BCAT1: variants seen among roughly 807,000 people sequenced by gnomAD.
BCAT1 encodes branched chain amino acid transaminase 1, also known as branched-chain-amino-acid aminotransferase, cytosolic.
BCAT1 carries 48 observed loss-of-function variants against 52.4 expected under a neutral mutation model. The observed-to-expected ratio is 0.92, with a 90% confidence interval of 0.73 to 1.16. The LOEUF (loss-of-function observed/expected upper bound fraction) is 1.16, where lower values mean the gene tolerates loss of function less well. Among genes scored for constraint, BCAT1 ranks in the 50% most tolerant of loss-of-function variants. The pLI, the probability that BCAT1 is intolerant of heterozygous loss-of-function variation, is 0.00. For missense variants in BCAT1, 451 were observed against 457.1 expected (o/e 0.99, Z 0.12); for synonymous variants, 167 against 161.3 (o/e 1.04, Z -0.27).
chr12:24,919,344 A>G (rs1943468330), intron 1 of BCAT1, among the ~76,000 whole-genome samples: 1 of 152,240 alleles, frequency 6.6e-6, no homozygotes, highest in Non-Finnish European at 1.5e-5. Context: ...TTATTAAGCC[A>G]TGAGTTCTGA....
At chr12:24,834,880 T>C (rs1237569815) in intron 8 of BCAT1, 18 of 811,986 alleles carry the variant, frequency 2.2e-5, no homozygotes, top group Non-Finnish European at 2.7e-5. Context: ...CCCTTACTTA[T>C]CTTTGGACAA....
intron 1 of BCAT1, among the ~76,000 whole-genome samples, chr12:24,937,829 G>A (rs898941841): frequency 1.3e-5 from 2 of 152,204 alleles, no homozygotes; most frequent in African/African-American, 4.8e-5. Context: ...CTGGGCACAT[G>A]GTTGTTAAAA....
intron 5 of BCAT1, among the ~76,000 whole-genome samples, chr12:24,869,558 G>T (rs560772985): frequency 1.3e-5 from 2 of 152,178 alleles, no homozygotes; most frequent in South Asian, 4.1e-4. Flanking sequence ...TACAACAGCA[G>T]TATCTACTAA....
chr12:24,841,668 C>T (rs1941177208), intron 7 of BCAT1, among the ~76,000 whole-genome samples: 1 of 152,088 alleles, frequency 6.6e-6, no homozygotes, highest in Admixed American at 6.6e-5. Context: ...TTTGGGAGGC[C>T]AAGGCCGGTG....
At chr12:24,932,552 G>A (rs1192140121) in intron 1 of BCAT1, among the ~76,000 whole-genome samples, 2 of 152,188 alleles carry the variant, frequency 1.3e-5, no homozygotes, top group Non-Finnish European at 2.9e-5. Context: ...ACTATATGAG[G>A]ATAAATTGTA....
intron 10 of BCAT1, among the ~76,000 whole-genome samples, chr12:24,819,440 T>G (rs986965249): frequency 2.6e-5 from 4 of 152,190 alleles, no homozygotes; most frequent in African/African-American, 9.6e-5. Flanking sequence ...GGATTTTACT[T>G]CTTTACTTCA....
In BCAT1 at chr12:24,813,313, G is replaced by A. The variant is rs989994662; in HGVS notation, c.*4695C>T. 6 of 151,970 alleles carry A rather than the reference G, an allele frequency of 3.9e-5. No homozygotes were observed. Among genetic ancestry groups the A allele is most frequent in the Non-Finnish European group, 8.8e-5 (6 of 67,878 alleles). 9.4% of individuals were successfully genotyped at this position (151,970 alleles called of 1,614,324 possible). On this transcript the variant is annotated 3_prime_UTR_variant, in exon 11 of 11. Transcript: ENST00000261192. ...ATCTTTAAAAGGGGTTTGTGGTAAT[G>A]ATAAAAAATTTATCTCTTTCCACAC... is the stretch of plus-strand genomic sequence containing the variant.
chr12:24,833,965 T>C, intron 8 of BCAT1: 1 of 176,326 alleles, frequency 5.7e-6, no homozygotes, highest in Non-Finnish European at 1.1e-5. Flanking sequence ...GGACTACAGG[T>C]GTATGCTGCC....
At chr12:24,933,806 G>T (rs550995080) in intron 1 of BCAT1, among the ~76,000 whole-genome samples, 3 of 152,036 alleles carry the variant, frequency 2.0e-5, no homozygotes, top group African/African-American at 7.2e-5. Flanking sequence ...AGGAAACACC[G>T]GCGGGTGGCG....
intron 5 of BCAT1, among the ~76,000 whole-genome samples, chr12:24,874,631 T>A (rs1215459350): frequency 6.6e-6 from 1 of 152,242 alleles, no homozygotes; most frequent in Non-Finnish European, 1.5e-5. Flanking sequence ...GGCAGACATA[T>A]ATTTCATTCC....
chr12:24,940,649 T>C (rs1444781001), intron 1 of BCAT1, among the ~76,000 whole-genome samples: 1 of 152,208 alleles, frequency 6.6e-6, no homozygotes, highest in Non-Finnish European at 1.5e-5. Flanking sequence ...TGGAAAACTA[T>C]CAGCAGAGCC....
chr12:24,831,295 T>C (rs763220792), intron 9 of BCAT1, among the ~76,000 whole-genome samples: 4 of 152,222 alleles, frequency 2.6e-5, no homozygotes, highest in Non-Finnish European at 5.9e-5. Context: ...ACTGTTTTTG[T>C]TGTTGATAAG....
In BCAT1 at chr12:24,812,368, C is replaced by CTCTCT. The variant is rs1939716542; in HGVS notation, c.*5639_*5640insAGAGA. ...GTCTAAACTTATTATTTTATTTGGC[C>CTCTCT]TCAAGAAGCTTCATGGATCTTAGAA... On this transcript the variant is annotated 3_prime_UTR_variant, in exon 11 of 11. Transcript: ENST00000261192. 6.6e-6 allele frequency: 1 copy of CTCTCT among 151,900 alleles called. No homozygotes were observed. Among genetic ancestry groups the CTCTCT allele is most frequent in the Non-Finnish European group, 1.5e-5 (1 of 67,880 alleles). The allele number at this position is 151,900 out of a possible 1,614,324, so 9.4% of individuals were successfully genotyped here.
chr12:24,888,558 G>C (rs1565483807), intron 3 of BCAT1, among the ~76,000 whole-genome samples: 1 of 152,176 alleles, frequency 6.6e-6, no homozygotes. Flanking sequence ...TGGTTTGCTT[G>C]CCATCCTATT....
At chr12:24,857,957 T>C (rs1941740217) in intron 5 of BCAT1, among the ~76,000 whole-genome samples, 1 of 152,186 alleles carries the variant, frequency 6.6e-6, no homozygotes, top group Admixed American at 6.5e-5. Flanking sequence ...CTAGAAGGTA[T>C]GGAAACATTC....
intron 6 of BCAT1, among the ~76,000 whole-genome samples, chr12:24,846,760 G>T (rs1941356114): frequency 6.6e-6 from 1 of 152,164 alleles, no homozygotes; most frequent in African/African-American, 2.4e-5. Context: ...GATTAGGGAT[G>T]CCCAAAGAGA....
intron 1 of BCAT1, among the ~76,000 whole-genome samples, chr12:24,909,938 G>A (rs1273293135): frequency 6.6e-6 from 1 of 152,092 alleles, no homozygotes; most frequent in African/African-American, 2.4e-5. Context: ...CCCTGTGAGT[G>A]GCTGTCTTAA....
intron 5 of BCAT1, among the ~76,000 whole-genome samples, chr12:24,859,514 C>T (rs1309731607): frequency 1.3e-5 from 2 of 150,210 alleles, no homozygotes; most frequent in African/African-American, 2.5e-5. Context: ...CCAGCTACCC[C>T]GGAGGCTGAG....
chr12:24,849,286 T>C (rs774449559), intron 6 of BCAT1, among the ~76,000 whole-genome samples: 6 of 152,208 alleles, frequency 3.9e-5, no homozygotes, highest in Non-Finnish European at 5.9e-5. Context: ...CCGCAGCCAG[T>C]TGGCAGCAGG....
Sources: gnomAD v4.1 joint callset for allele counts (sites outside exome capture counted in the v4.1 genomes callset) on GRCh38, gnomAD v4.1.1 for gene constraint, MANE v1.5 for transcripts, NCBI Gene and HGNC (gene_info 2026-07-23, HGNC 2026-07-21) for gene names.